ULK4: variants seen among roughly 807,000 people sequenced by gnomAD.
The protein encoded by ULK4 is inactive serine/threonine-protein kinase ULK4.
Under a neutral mutation model 160.6 loss-of-function variants are expected in ULK4, and 133 were observed. That is an observed-to-expected ratio of 0.83 (90% CI 0.72 to 0.96). ULK4 has a LOEUF of 0.96. Among genes scored for constraint, ULK4 ranks in the 40% least tolerant of loss-of-function variants. The pLI is 0.00. For synonymous variants in ULK4, 534 were observed against 539.8 expected (o/e 0.99, Z 0.15); for missense variants, 1,580 against 1,499.5 (o/e 1.05, Z -0.89).
chr3:41,721,354 ATATATATATTTTTTTTTTTTT>A (rs1387453354), intron 22 of ULK4, among the ~76,000 whole-genome samples: 1 of 59,594 alleles, frequency 1.7e-5, no homozygotes, highest in African/African-American at 9.2e-5. Flanking sequence ...ATATATATAT[ATATATATATTTTTTTTTTTTT>A]TTTTTTGAAA....
At chr3:41,323,468 C>T (rs939989221) in intron 35 of ULK4, among the ~76,000 whole-genome samples, 7 of 149,730 alleles carry the variant, frequency 4.7e-5, no homozygotes, top group Non-Finnish European at 8.9e-5. Flanking sequence ...AGGCATGGTA[C>T]TTCTGTCTAG....
intron 21 of ULK4, among the ~76,000 whole-genome samples, chr3:41,784,312 T>C (rs951577906): frequency 5.3e-5 from 8 of 151,904 alleles, no homozygotes; most frequent in African/African-American, 1.9e-4. Context: ...CACATGCCTG[T>C]AATCCCAGCT....
chr3:41,851,178 G>C (rs901260287), intron 17 of ULK4, among the ~76,000 whole-genome samples: 3 of 152,124 alleles, frequency 2.0e-5, no homozygotes, highest in Non-Finnish European at 4.4e-5. Flanking sequence ...AATGCTTCCA[G>C]TTTTTGCCCA....
intron 17 of ULK4, among the ~76,000 whole-genome samples, chr3:41,871,577 G>T (rs1474494998): frequency 6.6e-6 from 1 of 152,142 alleles, no homozygotes; most frequent in Non-Finnish European, 1.5e-5. Flanking sequence ...GAATTAGTTT[G>T]CTTTTCTCTA....
At chr3:41,257,948 C>T (rs969474892) in intron 35 of ULK4, among the ~76,000 whole-genome samples, 3 of 151,966 alleles carry the variant, frequency 2.0e-5, no homozygotes, top group Non-Finnish European at 4.4e-5. Flanking sequence ...TTGAATTTAC[C>T]TTGCTAAATT....
chr3:41,923,880 C>G (rs1699286736), intron 5 of ULK4, among the ~76,000 whole-genome samples: 1 of 152,114 alleles, frequency 6.6e-6, no homozygotes, highest in Non-Finnish European at 1.5e-5. Flanking sequence ...TTTGACATAA[C>G]CCCCATTAAT....
intron 21 of ULK4, among the ~76,000 whole-genome samples, chr3:41,760,082 T>C (rs890324193): frequency 6.6e-6 from 1 of 151,922 alleles, no homozygotes; most frequent in African/African-American, 2.4e-5. Flanking sequence ...TATAAAGAAC[T>C]CTCAAAACTC....
chr3:41,661,547 G>A (rs1472831622), intron 30 of ULK4, among the ~76,000 whole-genome samples: 1 of 151,828 alleles, frequency 6.6e-6, no homozygotes, highest in Non-Finnish European at 1.5e-5. Flanking sequence ...TAGATAAATA[G>A]ATAGATAATA....
chr3:41,344,858 AATGGGAAAAAAATTTTTCAATGTAT>A (rs1378250202), intron 35 of ULK4, among the ~76,000 whole-genome samples: 2 of 152,052 alleles, frequency 1.3e-5, no homozygotes, highest in African/African-American at 4.8e-5. Flanking sequence ...CAACCTACAG[AATGGGAAAAAAATTTTTCAATGTAT>A]CCATCTGACA....
intron 17 of ULK4, among the ~76,000 whole-genome samples, chr3:41,839,615 T>A (rs7624372): frequency 0.32 from 47,727 of 151,418 alleles, 11,052 homozygotes; most frequent in African/African-American, 0.66. Context: ...CAAAAAAAAC[T>A]AACTATCACA....
chr3:41,545,913 G>T (rs73830229), intron 32 of ULK4, among the ~76,000 whole-genome samples: 9,264 of 152,058 alleles, frequency 0.061, 837 homozygotes, highest in African/African-American at 0.2. Context: ...TTTAAGTACT[G>T]AACTTTGCAG....
intron 17 of ULK4, chr3:41,859,555 C>T (rs1446505466): frequency 7.4e-6 from 4 of 540,176 alleles, no homozygotes; most frequent in Non-Finnish European, 1.5e-5. Flanking sequence ...CCAGAACATG[C>T]TCATCACAGC....
intron 27 of ULK4, among the ~76,000 whole-genome samples, chr3:41,700,067 T>C (rs555597400): frequency 6.6e-6 from 1 of 152,310 alleles, no homozygotes; most frequent in African/African-American, 2.4e-5. Context: ...TTCATTGCTG[T>C]GACAATGACC....
chr3:41,543,974 C>T (rs1255605774), intron 32 of ULK4, among the ~76,000 whole-genome samples: 1 of 152,142 alleles, frequency 6.6e-6, no homozygotes, highest in East Asian at 1.9e-4. Flanking sequence ...GTTCTTTGCA[C>T]ATACTTATAA....
chr3:41,673,977 C>A (rs1316236152), intron 29 of ULK4, among the ~76,000 whole-genome samples: 1 of 152,188 alleles, frequency 6.6e-6, no homozygotes, highest in African/African-American at 2.4e-5. Flanking sequence ...ATTGCATCCC[C>A]AGTGCCTAGC....
intron 25 of ULK4, among the ~76,000 whole-genome samples, chr3:41,714,543 T>G (rs1038055886): frequency 6.6e-6 from 1 of 152,196 alleles, no homozygotes. Context: ...CTCCTCATTT[T>G]ATCAACCATA....
chr3:41,267,189 G>A (rs1223338431), intron 35 of ULK4, among the ~76,000 whole-genome samples: 1 of 152,018 alleles, frequency 6.6e-6, no homozygotes, highest in Non-Finnish European at 1.5e-5. Context: ...ACAGGCCCTG[G>A]TGTGTGATGT....
At chr3:41,909,693 C>T (rs1001911791) in intron 11 of ULK4, among the ~76,000 whole-genome samples, 7 of 151,518 alleles carry the variant, frequency 4.6e-5, no homozygotes, top group African/African-American at 1.5e-4. Flanking sequence ...CCAGCCTGGG[C>T]GACAGAGCAA....
intron 17 of ULK4, among the ~76,000 whole-genome samples, chr3:41,856,564 C>CAT (rs201080840): frequency 0.56 from 38,204 of 67,936 alleles, 11,739 homozygotes; most frequent in South Asian, 0.73. Flanking sequence ...TATATATACA[C>CAT]ATATATATAT....
Sources: gnomAD v4.1 joint callset for allele counts (sites outside exome capture counted in the v4.1 genomes callset) on GRCh38, gnomAD v4.1.1 for gene constraint, MANE v1.5 for transcripts, NCBI Gene and HGNC (gene_info 2026-07-23, HGNC 2026-07-21) for gene names.